KLC1: variants seen among roughly 807,000 people sequenced by gnomAD.
KLC1 encodes kinesin 2 60/70kDa.
A neutral mutation model predicts 84.2 loss-of-function variants in KLC1; 30 were observed. The observed-to-expected ratio is 0.36, with a 90% CI of 0.27 to 0.48. The LOEUF is 0.48. KLC1 is among the 20% of genes least tolerant of loss of function. The pLI is 0.99. For missense variants in KLC1, 499 were observed against 805.4 expected (o/e 0.62, Z 4.60); for synonymous variants, 289 against 293.3 (o/e 0.99, Z 0.15).
At chr14:103,672,907 G>A (rs903162937) in intron 7 of KLC1, 107 bp from the exon 8 acceptor site, 42 of 950,840 alleles carry the variant, frequency 4.4e-5, no homozygotes, top group Non-Finnish European at 1.3e-5. Context: ...TGAAAGTGTA[G>A]CACAGTCGTG....
At chr14:103,647,249 A>G (rs2078013730) in intron 1 of KLC1, among the ~76,000 whole-genome samples, 1 of 151,158 alleles carries the variant, frequency 6.6e-6, no homozygotes, top group African/African-American at 2.4e-5. Flanking sequence ...TTTGAGACGG[A>G]GTGTTGCTCT....
At chr14:103,668,923 G>A (rs1419059153) in intron 5 of KLC1, among the ~76,000 whole-genome samples, 5 of 151,180 alleles carry the variant, frequency 3.3e-5, no homozygotes, top group South Asian at 4.2e-4. Flanking sequence ...GACTAAAGCC[G>A]CCTGCTACCA....
At chr14:103,633,182 C>G (rs549171782) in intron 1 of KLC1, among the ~76,000 whole-genome samples, 1 of 151,896 alleles carries the variant, frequency 6.6e-6, no homozygotes, top group African/African-American at 2.4e-5. Flanking sequence ...CTCAGCCTCC[C>G]GAGTAGCTGG....
chr14:103,649,885 C>T (rs1414606727), intron 1 of KLC1, among the ~76,000 whole-genome samples: 3 of 151,954 alleles, frequency 2.0e-5, no homozygotes, highest in East Asian at 1.9e-4. Context: ...TTAGTAGAGA[C>T]GGGGTTTCAC....
intron 1 of KLC1, among the ~76,000 whole-genome samples, chr14:103,633,282 C>T (rs571666434): frequency 6.6e-6 from 1 of 152,224 alleles, no homozygotes; most frequent in East Asian, 1.9e-4. Flanking sequence ...TGGTCTCCAT[C>T]TCCTGACCTC....
chr14:103,638,239 A>C (rs1420676820), intron 1 of KLC1, among the ~76,000 whole-genome samples: 2 of 152,138 alleles, frequency 1.3e-5, no homozygotes, highest in African/African-American at 4.8e-5. Context: ...TTTTTCCTTA[A>C]TGTGCTACCC....
At chr14:103,662,658 A>G (rs2079394632) in intron 4 of KLC1, 44 bp from the exon 5 acceptor site, 1 of 1,408,586 alleles carries the variant, frequency 7.1e-7, no homozygotes, top group African/African-American at 1.4e-5. Flanking sequence ...TCATCTGGAT[A>G]ATTGTCTTTA....
chr14:103,672,162 AGGTC>A (rs1237505361), intron 7 of KLC1, among the ~76,000 whole-genome samples: 5 of 152,116 alleles, frequency 3.3e-5, no homozygotes, highest in African/African-American at 1.2e-4. Context: ...TTCTCAGGGA[AGGTC>A]GGTGTTGGAA....
intron 13 of KLC1, chr14:103,685,594 G>A (rs1044201009): frequency 2.6e-5 from 33 of 1,289,056 alleles, no homozygotes; most frequent in East Asian, 5.5e-5. Flanking sequence ...GCCTTTCCTC[G>A]CCGCGGTTTC....
At chr14:103,651,957 C>T (rs2078480738) in intron 1 of KLC1, among the ~76,000 whole-genome samples, 1 of 152,234 alleles carries the variant, frequency 6.6e-6, no homozygotes, top group African/African-American at 2.4e-5. Flanking sequence ...CTTTGTGCAC[C>T]TGCTTGTGTA....
intron 1 of KLC1, among the ~76,000 whole-genome samples, chr14:103,635,357 A>G (rs527857654): frequency 1.3e-5 from 2 of 152,288 alleles, no homozygotes; most frequent in South Asian, 4.1e-4. Context: ...TGCGGATGTC[A>G]TATGTGTCTG....
chr14:103,651,250 C>T (rs1167568822), intron 1 of KLC1, among the ~76,000 whole-genome samples: 2 of 151,924 alleles, frequency 1.3e-5, no homozygotes, highest in East Asian at 2.0e-4. Flanking sequence ...CCTCGTGATC[C>T]GCCAGCCTCG....
Position 103,694,538 on chromosome 14 carries a change from G to A in KLC1, c.1848+2113G>A, listed in dbSNP as rs1331337606. ...ACCTTTTCAAATCAATGCTGAGGCT[G>A]TATTTCTTAGCCGTCCACAAACTAG... On this transcript the variant is annotated intron_variant, in intron 15 of 16. Transcript: ENST00000334553. This position sits in a 1 kb window ranked among gnomAD's most constrained non-coding sequence, Gnocchi z 4.5. 3.5e-5 allele frequency: 34 copies of A among 985,350 alleles called. No individual in the cohort carries two copies. The highest frequency in any genetic ancestry group is 2.3e-4 in the East Asian group (2 of 8,828). The allele number at this position is 985,350 out of a possible 1,614,324, so 61.0% of individuals were successfully genotyped here. A position where few individuals can be genotyped will look rare whatever the true frequency, so the allele number is the denominator to read the frequency against.
At position 103,676,897 on chromosome 14, in the gene KLC1, T is replaced by C. The variant is rs79910059; in HGVS notation, c.1380-518T>C. Among the ~76,000 whole-genome samples, 3 of 152,204 alleles carry C rather than the reference T, an allele frequency of 2.0e-5. No individual in the cohort carries two copies. The East Asian group carries it at 5.8e-4, about 29-fold the overall frequency. ...AAAGAACACAGAAACACAGCCGTCC[T>C]CTCGGCCATCTGCTTATTGCTTCCC... On this transcript the variant is annotated intron_variant, in intron 11 of 16. Transcript: ENST00000334553.
chr14:103,653,210 C>G (rs1486455435), intron 1 of KLC1, among the ~76,000 whole-genome samples: 1 of 152,224 alleles, frequency 6.6e-6, no homozygotes, highest in Non-Finnish European at 1.5e-5. Context: ...GAGGTACCAT[C>G]ATAGCTGACT....
chr14:103,701,327 C>T lies in KLC1; in HGVS notation c.*128C>T. 9.7e-7 allele frequency: 1 copy of T among 1,030,548 alleles called. No individual in the cohort carries two copies. The highest frequency in any genetic ancestry group is 1.4e-5 in the South Asian group (1 of 69,934). The allele number at this position is 1,030,548 out of a possible 1,614,324, so 63.8% of individuals were successfully genotyped here. A position where few individuals can be genotyped will look rare whatever the true frequency, so the allele number is the denominator to read the frequency against. On this transcript the variant is annotated 3_prime_UTR_variant, in exon 17 of 17. Transcript: ENST00000334553. ...CAGCGCTCACTCATTTCTCCTGCGT[C>T]TGTGTGCATAGGACATGATACTAAT...
intron 1 of KLC1, among the ~76,000 whole-genome samples, chr14:103,629,796 C>T (rs1180926173): frequency 1.3e-5 from 2 of 152,130 alleles, no homozygotes. Flanking sequence ...CGGTCCCCGG[C>T]CCTGCCCAGG....
rs753929549 is a variant in KLC1, at chr14:103,692,434, C to A, written c.1848+9C>A. The A allele has an allele frequency of 3.1e-5, 48 of 1,536,204 alleles. No individual in the cohort carries two copies. Among genetic ancestry groups the A allele is most frequent in the Non-Finnish European group, 3.9e-5 (45 of 1,146,768 alleles). On this transcript the variant is annotated intron_variant, in intron 15 of 16. Coordinates refer to ENST00000334553, the MANE Select transcript of KLC1 (RefSeq NM_001394837.1). ...CTGAAGATCGCTTTCAAGTAAGGAG[C>A]CTACCCCGAATTGTGTCCTAGGCTG...
intron 15 of KLC1, chr14:103,696,466 G>C: frequency 1.0e-6 from 1 of 984,496 alleles, no homozygotes; most frequent in South Asian, 4.7e-5. Context: ...CATTGCTAAT[G>C]ATGTATCGTT....
Sources: allele counts gnomAD v4.1 joint callset (sites outside exome capture counted in the v4.1 genomes callset), GRCh38; gene constraint gnomAD v4.1.1; non-coding constraint Gnocchi (gnomAD v3.1); transcripts MANE v1.5; gene names NCBI Gene and HGNC (gene_info 2026-07-23, HGNC 2026-07-21).